The following SPAG16 variants were observed in gnomAD, a reference collection of about 807,000 sequenced individuals.
SPAG16 encodes the protein sperm associated antigen 16, also known as sperm-associated antigen 16 protein.
Under a neutral mutation model 80.4 loss-of-function variants are expected in SPAG16, and 86 were observed. The observed-to-expected ratio is 1.07, with a 90% CI of 0.90 to 1.28. SPAG16 has a LOEUF of 1.28. Ranked by LOEUF, SPAG16 falls within the 50% of genes most tolerant of loss-of-function variation. The pLI is 0.00. For synonymous variants in SPAG16, 294 were observed against 265.9 expected (o/e 1.11, Z -1.03); for missense variants, 870 against 765.3 (o/e 1.14, Z -1.61).
chr2:214,179,376 C>T (rs1295041532), intron 15 of SPAG16, among the ~76,000 whole-genome samples: 5 of 151,246 alleles, frequency 3.3e-5, no homozygotes, highest in African/African-American at 4.8e-5. Context: ...GAAACCCCAG[C>T]GTATATACTG....
At chr2:213,309,472 G>T (rs929260809) in intron 3 of SPAG16, among the ~76,000 whole-genome samples, 3 of 152,032 alleles carry the variant, frequency 2.0e-5, no homozygotes, top group Admixed American at 2.0e-4. Flanking sequence ...ATAATTAAAA[G>T]CATTAAAAGG....
intron 15 of SPAG16, among the ~76,000 whole-genome samples, chr2:214,179,285 A>T (rs1559109478): frequency 6.7e-6 from 1 of 149,254 alleles, no homozygotes; most frequent in East Asian, 2.0e-4. Flanking sequence ...AGTTGGTATA[A>T]TTTTTTTTTT....
At chr2:214,033,063 T>A (rs1575899448) in intron 13 of SPAG16, among the ~76,000 whole-genome samples, 1 of 152,194 alleles carries the variant, frequency 6.6e-6, no homozygotes, top group East Asian at 1.9e-4. Flanking sequence ...AAAATGTTTA[T>A]CGTTTTCCTG....
chr2:213,606,813 G>A (rs932537338), intron 10 of SPAG16, among the ~76,000 whole-genome samples: 2 of 151,996 alleles, frequency 1.3e-5, no homozygotes, highest in African/African-American at 2.4e-5. Context: ...CCATACCTTC[G>A]GCAAAATGCA....
At position 213,384,794 on chromosome 2, in the gene SPAG16, G is replaced by A. The variant is rs556011943; in HGVS notation, c.942+9675G>A. The stretch of plus-strand genomic sequence containing the variant: ...ATCATCCATCCTGTTTCTTCTGGTC[G>A]TACAGATTGAACATTACCACTGTTG... On this transcript the variant is annotated intron_variant, in intron 9 of 15. Coordinates refer to ENST00000331683, the MANE Select transcript of SPAG16 (RefSeq NM_024532.5). 1.5e-3 allele frequency among the ~76,000 whole-genome samples: 233 copies of A among 152,252 alleles called. 1 individual carries two copies. Among genetic ancestry groups the A allele is most frequent in the African/African-American group, 5.3e-3 (220 of 41,526 alleles).
chr2:213,870,992 G>A lies in SPAG16; in HGVS notation c.1214+8364G>A, dbSNP rs117156880. 5.3e-5 allele frequency among the ~76,000 whole-genome samples: 8 copies of A among 152,224 alleles called. No individual in the cohort carries two copies. In the East Asian group the frequency reaches 1.3e-3, roughly 26 times the overall value. ...GAATTGAAGATGCGAGACCAGAAAT[G>A]TAGTCACTTTCTTTCATGCTCCCAG... On this transcript the variant is annotated intron_variant, in intron 11 of 15. Coordinates refer to ENST00000331683, the MANE Select transcript of SPAG16 (RefSeq NM_024532.5).
chr2:213,680,681 A>G (rs2064334394), intron 10 of SPAG16, among the ~76,000 whole-genome samples: 1 of 152,156 alleles, frequency 6.6e-6, no homozygotes, highest in Non-Finnish European at 1.5e-5. Context: ...TCTGTAAAAT[A>G]TTTTAAGAGA....
Position 213,949,169 on chromosome 2 carries a change from G to GTTT in SPAG16, c.1400+19046_1400+19048dup, listed in dbSNP as rs767648099. Among the ~76,000 whole-genome samples the GTTT allele has an allele frequency of 4.6e-3, 262 of 56,730 alleles. 7 individuals are homozygous for GTTT. Among genetic ancestry groups the GTTT allele is most frequent in the African/African-American group, 6.6e-3 (127 of 19,158 alleles). The allele number at this position is 56,730 out of a possible 152,430, so 37.2% of individuals were successfully genotyped here. On this transcript the variant is annotated intron_variant, in intron 12 of 15. Coordinates refer to ENST00000331683, the MANE Select transcript of SPAG16 (RefSeq NM_024532.5). ...GCAGAGACACTACTTAATTACAACA[G>GTTT]TTTTTTTTTTTTTTTTTTTTTTTTG... is the stretch of plus-strand genomic sequence containing the variant.
At chr2:213,857,835 T>C (rs1280107482) in intron 10 of SPAG16, among the ~76,000 whole-genome samples, 2 of 152,214 alleles carry the variant, frequency 1.3e-5, no homozygotes, top group African/African-American at 4.8e-5. Flanking sequence ...TCATGATTTA[T>C]AGGAAGAGAT....
intron 13 of SPAG16, among the ~76,000 whole-genome samples, chr2:214,017,464 A>G (rs1253280254): frequency 2.0e-5 from 3 of 152,186 alleles, no homozygotes; most frequent in Non-Finnish European, 4.4e-5. Context: ...CTCAAGTGCT[A>G]TAACTGAGTG....
At chr2:213,632,529 G>A (rs1574571482) in intron 10 of SPAG16, among the ~76,000 whole-genome samples, 1 of 152,138 alleles carries the variant, frequency 6.6e-6, no homozygotes, top group East Asian at 1.9e-4. Flanking sequence ...GATGACAGTG[G>A]GCATACTTGT....
chr2:214,405,845 CCTT>C (rs1178509800), intron 15 of SPAG16, among the ~76,000 whole-genome samples: 1 of 152,076 alleles, frequency 6.6e-6, no homozygotes, highest in Non-Finnish European at 1.5e-5. Flanking sequence ...CTGTGAGTCT[CCTT>C]CTTCATTTTC....
intron 4 of SPAG16, among the ~76,000 whole-genome samples, chr2:213,316,196 T>A (rs1220482372): frequency 6.6e-6 from 1 of 151,980 alleles, no homozygotes; most frequent in Non-Finnish European, 1.5e-5. Flanking sequence ...TCCTCCTGCA[T>A]TTGTCCCCAC....
intron 15 of SPAG16, among the ~76,000 whole-genome samples, chr2:214,287,632 C>A (rs1693461782): frequency 6.6e-6 from 1 of 152,092 alleles, no homozygotes; most frequent in Non-Finnish European, 1.5e-5. Flanking sequence ...ATTTTTCTAT[C>A]AATCATTACA....
intron 10 of SPAG16, among the ~76,000 whole-genome samples, chr2:213,566,415 A>AC (rs2059767493): frequency 6.6e-6 from 1 of 152,144 alleles, no homozygotes; most frequent in African/African-American, 2.4e-5. Context: ...TGTTTCTCTC[A>AC]CCCCCTTCAA....
chr2:213,389,500 A>G (rs144256175), intron 9 of SPAG16, among the ~76,000 whole-genome samples: 56 of 152,286 alleles, frequency 3.7e-4, no homozygotes, highest in African/African-American at 1.3e-3. Flanking sequence ...CTGTAATCAT[A>G]TATCTGGCAA....
At chr2:213,411,117 A>G (rs1010855684) in intron 9 of SPAG16, among the ~76,000 whole-genome samples, 2 of 152,204 alleles carry the variant, frequency 1.3e-5, no homozygotes, top group South Asian at 4.1e-4. Context: ...CACTCTGCCA[A>G]ATAACTGGAG....
At chr2:214,111,248 G>A (rs565097640) in intron 14 of SPAG16, among the ~76,000 whole-genome samples, 1 of 152,266 alleles carries the variant, frequency 6.6e-6, no homozygotes, top group East Asian at 1.9e-4. Flanking sequence ...TTCCTCTAGG[G>A]TTTTTATGGT....
In SPAG16 at chr2:214,112,266, G is replaced by A. The variant is rs145996709; in HGVS notation, c.1593+4005G>A. 3.5e-3 allele frequency among the ~76,000 whole-genome samples: 534 copies of A among 152,266 alleles called. 3 individuals are homozygous for A. Among genetic ancestry groups the A allele is most frequent in the Middle Eastern group, 0.014 (4 of 294 alleles). The stretch of plus-strand genomic sequence containing the variant: ...CATTTTAGAATAAGTGCGATGTGGT[G>A]CTGAGAGGAATGTATATTCTGTTGA... On this transcript the variant is annotated intron_variant, in intron 14 of 15. Transcript: ENST00000331683.
Sources: gnomAD v4.1 joint callset for allele counts (sites outside exome capture counted in the v4.1 genomes callset) on GRCh38, gnomAD v4.1.1 for gene constraint, MANE v1.5 for transcripts, NCBI Gene and HGNC (gene_info 2026-07-23, HGNC 2026-07-21) for gene names.